Variants in COL10A1 observed in about 807,000 individuals in gnomAD.
COL10A1 encodes the protein collagen type X alpha 1 chain, also known as collagen alpha-1(X) chain.
COL10A1 carries 10 observed loss-of-function variants against 18.2 expected under a neutral mutation model. That is an observed-to-expected ratio of 0.55 (90% CI 0.34 to 0.93). COL10A1 has a LOEUF of 0.93. Ranked by LOEUF, COL10A1 falls within the 40% of genes least tolerant of loss-of-function variation. The probability of loss-of-function intolerance (pLI) is 0.02; values close to 1 mark genes in which losing one functional copy is unlikely to be tolerated. For synonymous variants in COL10A1, 330 were observed against 316.6 expected, an observed-to-expected ratio of 1.04 and a Z score of -0.45; for missense variants, 897 against 853.5, an observed-to-expected ratio of 1.05 and a Z score of -0.64.
At chr6:116,135,172 G>A (rs7763110) in intron 1 of COL10A1, among the ~76,000 whole-genome samples, 78,022 of 151,916 alleles carry the variant, frequency 0.51, 21,236 homozygotes, top group African/African-American at 0.71. Flanking sequence ...TCCCTGCTCA[G>A]CCTACCTGTT....
chr6:116,200,254 CAG>C, the COL10A1 span, among the ~76,000 whole-genome samples: 7 of 151,886 alleles, frequency 4.6e-5, no homozygotes, highest in African/African-American at 1.4e-4. Flanking sequence ...TTACCAAAAA[CAG>C]GGGAGGTCTG....
intron 1 of COL10A1, among the ~76,000 whole-genome samples, chr6:116,138,728 AT>A (rs1779688224): frequency 6.6e-6 from 1 of 152,128 alleles, no homozygotes; most frequent in Non-Finnish European, 1.5e-5. Context: ...ATCCTTACTA[AT>A]GGGGTACATG....
intron 1 of COL10A1, among the ~76,000 whole-genome samples, chr6:116,145,999 T>C (rs1779890262): frequency 6.6e-6 from 1 of 152,198 alleles, no homozygotes; most frequent in Non-Finnish European, 1.5e-5. Flanking sequence ...CTTACTTACT[T>C]CTGGAAAGCA....
At chr6:116,204,918 G>T in the COL10A1 span, among the ~76,000 whole-genome samples, 11 of 151,970 alleles carry the variant, frequency 7.2e-5, no homozygotes, top group African/African-American at 2.7e-4. Context: ...TTTGGGTGAG[G>T]AAAGCAAATT....
the COL10A1 span, among the ~76,000 whole-genome samples, chr6:116,193,759 A>T: frequency 9.2e-6 from 1 of 108,906 alleles, no homozygotes; most frequent in Non-Finnish European, 1.9e-5. Context: ...ACATATAATT[A>T]TACTGTTAAA....
At chr6:116,201,558 G>A in the COL10A1 span, among the ~76,000 whole-genome samples, 1 of 152,032 alleles carries the variant, frequency 6.6e-6, no homozygotes, top group Non-Finnish European at 1.5e-5. Flanking sequence ...GCATTTGCCA[G>A]AGTCAGGTTT....
chr6:116,178,052 AGT>A, the COL10A1 span, among the ~76,000 whole-genome samples: 8,634 of 136,256 alleles, frequency 0.063, 343 homozygotes, highest in East Asian at 0.13. Context: ...CAAAGAGGAA[AGT>A]GTGTGTGTGT....
At chr6:116,210,018 G>A in the COL10A1 span, among the ~76,000 whole-genome samples, 16 of 152,050 alleles carry the variant, frequency 1.1e-4, no homozygotes, top group South Asian at 6.2e-4. Context: ...GTTACTAACC[G>A]TAATTTTGAG....
the COL10A1 span, among the ~76,000 whole-genome samples, chr6:116,209,580 A>G: frequency 6.6e-6 from 1 of 152,022 alleles, no homozygotes; most frequent in African/African-American, 2.4e-5. Flanking sequence ...AGGGCTCCTC[A>G]TAGAAGGTAA....
At chr6:116,145,557 T>C (rs530467173) in intron 1 of COL10A1, 2 of 257,692 alleles carry the variant, frequency 7.8e-6, no homozygotes, top group East Asian at 2.0e-4. Flanking sequence ...TGTCATCTTA[T>C]GGATTATTCT....
At chr6:116,159,395 CAT>C (rs912841511), upstream of COL10A1, among the ~76,000 whole-genome samples, 13 of 152,302 alleles carry the variant, frequency 8.5e-5, no homozygotes, top group South Asian at 6.2e-4. Flanking sequence ...AGAATTTACA[CAT>C]GTGATTATTC....
At chr6:116,180,324 C>T in the COL10A1 span, among the ~76,000 whole-genome samples, 4 of 151,860 alleles carry the variant, frequency 2.6e-5, no homozygotes, top group East Asian at 1.9e-4. Context: ...CAAATTCTAA[C>T]GCAAGGTAAC....
the COL10A1 span, among the ~76,000 whole-genome samples, chr6:116,165,121 A>C: frequency 0.24 from 35,049 of 147,636 alleles, 4,730 homozygotes; most frequent in African/African-American, 0.34. Flanking sequence ...AAAAAAAATT[A>C]TTGGCTGGCA....
At position 116,145,194 on chromosome 6, in the gene COL10A1, C is replaced by T. The variant is rs189783950; in HGVS notation, c.-16+13420G>A. Among the ~76,000 whole-genome samples, 76 of 152,128 alleles carry T rather than the reference C, an allele frequency of 5.0e-4. 1 individual carries two copies. The East Asian group carries it at 0.014, about 28-fold the overall frequency. Reference sequence around the variant, plus strand: ...TGCAGTGAGAAGTTGGACAGTTGTCCTCAACAGAGGACAACTGATAACAGC... The same window carrying T: ...TGCAGTGAGAAGTTGGACAGTTGTCTTCAACAGAGGACAACTGATAACAGC... On this transcript the variant is annotated intron_variant, in intron 1 of 1. Transcript: ENST00000418500.
Position 116,147,850 on chromosome 6 carries a change from G to A in COL10A1, c.-16+10764C>T, listed in dbSNP as rs554936582. ...GAACTGCTCAAATATTCATTCATAA[G>A]AACTAGCTACATTAGCAGTCATTAA... On this transcript the variant is annotated intron_variant, in intron 1 of 1. Transcript: ENST00000418500. 2.6e-3 allele frequency among the ~76,000 whole-genome samples: 401 copies of A among 152,178 alleles called. 1 individual carries two copies. Among genetic ancestry groups the A allele is most frequent in the South Asian group, 4.3e-3 (21 of 4,828 alleles).
At chr6:116,130,864 C>T (rs1458374851), upstream of COL10A1, among the ~76,000 whole-genome samples, 10 of 151,804 alleles carry the variant, frequency 6.6e-5, no homozygotes, top group African/African-American at 1.2e-4. Context: ...TACCAATATT[C>T]GTACCAGAAT....
At chr6:116,141,726 G>C (rs1214889187) in intron 1 of COL10A1, among the ~76,000 whole-genome samples, 6 of 150,360 alleles carry the variant, frequency 4.0e-5, no homozygotes, top group Non-Finnish European at 7.4e-5. Context: ...TGCTTCTTAT[G>C]TGATAATAAC....
the COL10A1 span, among the ~76,000 whole-genome samples, chr6:116,172,802 T>A: frequency 6.6e-6 from 1 of 152,208 alleles, no homozygotes; most frequent in South Asian, 2.1e-4. Flanking sequence ...ATCTGGATGT[T>A]TGGAATTCTT....
intron 1 of COL10A1, among the ~76,000 whole-genome samples, chr6:116,139,833 C>T (rs1326989481): frequency 6.6e-6 from 1 of 152,072 alleles, no homozygotes; most frequent in Non-Finnish European, 1.5e-5. Context: ...AAAGTTGTGT[C>T]TTTGAGACCT....
Sources: allele counts gnomAD v4.1 joint callset (sites outside exome capture counted in the v4.1 genomes callset), GRCh38; gene constraint gnomAD v4.1.1; transcripts MANE v1.5; gene names NCBI Gene and HGNC (gene_info 2026-07-23, HGNC 2026-07-21).